The following SV2B variants were observed in gnomAD, a reference collection of about 807,000 sequenced individuals.
SV2B encodes solute carrier family 22 member B2.
In SV2B, 41 loss-of-function variants were observed where a neutral mutation model predicts 73.9. That is an observed-to-expected ratio of 0.56 (90% CI 0.43 to 0.72). The LOEUF (loss-of-function observed/expected upper bound fraction) is 0.72. SV2B is among the 30% of genes least tolerant of loss of function. SV2B has a pLI of 0.00. For synonymous variants in SV2B, 314 were observed against 314.2 expected, an observed-to-expected ratio of 1.00 and a Z score of 0.01; for missense variants, 764 against 857.8, an observed-to-expected ratio of 0.89 and a Z score of 1.37.
chr15:91,186,444 A>G (rs1452827061), intron 1 of SV2B, among the ~76,000 whole-genome samples: 4 of 152,192 alleles, frequency 2.6e-5, no homozygotes, highest in Non-Finnish European at 4.4e-5. Context: ...CTAGTCCACA[A>G]TTTACTAGCT....
chr15:91,216,127 G>A (rs574629986), intron 1 of SV2B, among the ~76,000 whole-genome samples: 3 of 152,128 alleles, frequency 2.0e-5, no homozygotes, highest in Non-Finnish European at 4.4e-5. Context: ...TAAGTGGGGC[G>A]AGTGCAGCAA....
intron 1 of SV2B, among the ~76,000 whole-genome samples, chr15:91,202,135 G>GCC: frequency 6.6e-6 from 1 of 151,938 alleles, no homozygotes; most frequent in Non-Finnish European, 1.5e-5. Context: ...ACATAAAATA[G>GCC]CCCCATCCCT....
intron 1 of SV2B, among the ~76,000 whole-genome samples, chr15:91,155,426 T>G (rs2043453973): frequency 6.6e-6 from 1 of 152,236 alleles, no homozygotes; most frequent in Non-Finnish European, 1.5e-5. Flanking sequence ...ACTTCTTGCT[T>G]AAATGGCAGA....
intron 1 of SV2B, among the ~76,000 whole-genome samples, chr15:91,207,637 A>C (rs570162264): frequency 6.6e-6 from 1 of 152,360 alleles, no homozygotes; most frequent in East Asian, 1.9e-4. Flanking sequence ...CCCATAACCA[A>C]AGACAGAATA....
chr15:91,206,321 C>T (rs925040939), intron 1 of SV2B, among the ~76,000 whole-genome samples: 10 of 150,760 alleles, frequency 6.6e-5, no homozygotes, highest in Admixed American at 6.0e-4. Flanking sequence ...GGATTACAGG[C>T]GTGAGCCACC....
chr15:91,132,708 CA>C lies in SV2B; in HGVS notation c.-392+32346del, dbSNP rs562454438. Among the ~76,000 whole-genome samples, 685 of 152,138 alleles carry C rather than the reference CA, an allele frequency of 4.5e-3. 4 individuals are homozygous for C. Among genetic ancestry groups the C allele is most frequent in the African/African-American group, 0.016 (651 of 41,512 alleles). On this transcript the variant is annotated intron_variant, in intron 1 of 12. Transcript: ENST00000394232. This position sits in a 1 kb window ranked among gnomAD's most constrained non-coding sequence, Gnocchi z 4.6. ...GACCCTATTTCTCCTGCCTCAGTGG[CA>C]CATGCCTGTAGTCCCAGCTACTGGA...
intron 1 of SV2B, among the ~76,000 whole-genome samples, chr15:91,165,310 G>A (rs967024534): frequency 6.6e-6 from 1 of 152,092 alleles, no homozygotes; most frequent in African/African-American, 2.4e-5. Context: ...TAGCCTGGGC[G>A]ACAAGAGCGA....
At chr15:91,218,962 A>G (rs775394441) in intron 1 of SV2B, among the ~76,000 whole-genome samples, 3 of 151,584 alleles carry the variant, frequency 2.0e-5, no homozygotes, top group Non-Finnish European at 4.4e-5. Context: ...TTTTTAATAC[A>G]TGGTCTTTCT....
intron 1 of SV2B, among the ~76,000 whole-genome samples, chr15:91,145,447 C>T (rs1431725532): frequency 2.0e-5 from 3 of 152,152 alleles, no homozygotes; most frequent in Non-Finnish European, 4.4e-5. Context: ...CTGCAATGAA[C>T]ATACATGTGC....
At chr15:91,152,249 C>T (rs1327440222) in intron 1 of SV2B, among the ~76,000 whole-genome samples, 1 of 152,076 alleles carries the variant, frequency 6.6e-6, no homozygotes, top group Non-Finnish European at 1.5e-5. Flanking sequence ...TTTTCCAGAA[C>T]TTGTGAATAG....
rs1166466461 is a variant in SV2B at position 91,224,520 on chromosome 15, CCTT to C, written c.-391-1348_-391-1346del. 1.3e-5 allele frequency among the ~76,000 whole-genome samples: 2 copies of C among 152,118 alleles called. No individual in the cohort carries two copies. The highest frequency in any genetic ancestry group is 4.8e-5 in the African/African-American group (2 of 41,416). On this transcript the variant is annotated intron_variant, in intron 1 of 12. Coordinates refer to ENST00000394232, the MANE Select transcript of SV2B (RefSeq NM_001323032.3). This position sits in a 1 kb window ranked among gnomAD's most constrained non-coding sequence, Gnocchi z 4.9. Reference sequence around the variant, plus strand: ...TCTGGATTTCTGAGCTTGAAGCAGCCCTTCTTCATTACGCTCTGGGAATCTGTA... The same window carrying C: ...TCTGGATTTCTGAGCTTGAAGCAGCCCTTCATTACGCTCTGGGAATCTGTA...
At chr15:91,292,284 C>T in intron 12 of SV2B, 85 bp from the exon 13 acceptor site, 1 of 1,372,396 alleles carries the variant, frequency 7.3e-7, no homozygotes, top group Non-Finnish European at 9.9e-7. Context: ...CCCTCTTCCC[C>T]CTGCAATAAG....
At chr15:91,147,593 C>T (rs2043182356) in intron 1 of SV2B, among the ~76,000 whole-genome samples, 1 of 152,176 alleles carries the variant, frequency 6.6e-6, no homozygotes, top group Non-Finnish European at 1.5e-5. Context: ...CTCAGTCCAT[C>T]CCTAGAATCT....
intron 2 of SV2B, 24 bp from the exon 3 acceptor site, chr15:91,251,795 C>G (rs377576894): frequency 6.2e-7 from 1 of 1,610,378 alleles, no homozygotes; most frequent in East Asian, 2.2e-5. Context: ...TCTCTATTCT[C>G]TCCTCTCCTC....
intron 1 of SV2B, among the ~76,000 whole-genome samples, chr15:91,109,161 T>C (rs1019300747): frequency 6.6e-6 from 1 of 152,222 alleles, no homozygotes; most frequent in Non-Finnish European, 1.5e-5. Flanking sequence ...AGAAAAGAAA[T>C]GACAGACAAA....
chr15:91,148,138 G>A (rs767660312), intron 1 of SV2B, among the ~76,000 whole-genome samples: 5 of 151,352 alleles, frequency 3.3e-5, no homozygotes, highest in African/African-American at 9.7e-5. Context: ...GTGCCACCAC[G>A]CCTGGCTAAT....
intron 1 of SV2B, among the ~76,000 whole-genome samples, chr15:91,179,242 A>C (rs890833587): frequency 2.6e-5 from 4 of 152,042 alleles, no homozygotes; most frequent in Admixed American, 1.3e-4. Context: ...GTTTGATTGC[A>C]CTGTGGTCTG....
intron 1 of SV2B, among the ~76,000 whole-genome samples, chr15:91,191,672 C>T (rs2045037935): frequency 6.6e-6 from 1 of 152,252 alleles, no homozygotes; most frequent in South Asian, 2.1e-4. Context: ...CCATTTGAAA[C>T]AAATGTCTGG....
At chr15:91,211,427 C>T (rs1265428116) in intron 1 of SV2B, among the ~76,000 whole-genome samples, 3 of 151,754 alleles carry the variant, frequency 2.0e-5, no homozygotes, top group Non-Finnish European at 2.9e-5. Flanking sequence ...GGCTTAAACT[C>T]TTCTTCTTCT....
Sources: allele counts gnomAD v4.1 joint callset (sites outside exome capture counted in the v4.1 genomes callset), GRCh38; gene constraint gnomAD v4.1.1; non-coding constraint Gnocchi (gnomAD v3.1); transcripts MANE v1.5; gene names NCBI Gene and HGNC (gene_info 2026-07-23, HGNC 2026-07-21).